Variants in PRKDC observed in about 807,000 individuals in gnomAD.
PRKDC encodes the protein DNA-dependent protein kinase catalytic subunit.
A neutral mutation model predicts 486.9 loss-of-function variants in PRKDC; 82 were observed. That is an observed-to-expected ratio of 0.17 (90% CI 0.14 to 0.20). The LOEUF is 0.20. PRKDC is among the 10% of genes least tolerant of loss of function. The pLI is 1.00. For missense variants in PRKDC, 4,504 were observed against 5,038.2 expected, an observed-to-expected ratio of 0.89 and a Z score of 3.21; for synonymous variants, 1,895 against 1,837.0, an observed-to-expected ratio of 1.03 and a Z score of -0.81.
At chr8:47,934,182 T>A (rs891212345) in intron 14 of PRKDC, 92 bp from the exon 15 acceptor site, 51 of 1,402,854 alleles carry the variant, frequency 3.6e-5, no homozygotes, top group Middle Eastern at 3.7e-4. Flanking sequence ...ATTTTCTAAA[T>A]TAAACTGCCA....
intron 55 of PRKDC, among the ~76,000 whole-genome samples, 158 bp from the exon 56 acceptor site, chr8:47,839,404 G>A (rs1175363434): frequency 6.6e-6 from 1 of 152,176 alleles, no homozygotes; most frequent in Non-Finnish European, 1.5e-5. Flanking sequence ...ATGGGTGTGT[G>A]CACAAGCCTT....
At chr8:47,876,332 G>A (rs558563624) in intron 40 of PRKDC, among the ~76,000 whole-genome samples, 1 of 152,076 alleles carries the variant, frequency 6.6e-6, no homozygotes, top group Non-Finnish European at 1.5e-5. Flanking sequence ...AGTTTACTAT[G>A]AGGAGTAGCC....
At chr8:47,857,746 G>C (rs1474681746) in intron 48 of PRKDC, among the ~76,000 whole-genome samples, 1 of 152,198 alleles carries the variant, frequency 6.6e-6, no homozygotes, top group Non-Finnish European at 1.5e-5. Flanking sequence ...CCCGAGGAAA[G>C]AAGGTGCTGC....
chr8:47,896,677 C>T (rs2089589198), intron 30 of PRKDC, among the ~76,000 whole-genome samples: 1 of 151,052 alleles, frequency 6.6e-6, no homozygotes, highest in Admixed American at 6.6e-5. Context: ...TCCACCCCAA[C>T]TTTTGCCAAG....
At position 47,879,677 on chromosome 8, in the gene PRKDC, A is replaced by G. The variant is rs370280013; in HGVS notation, c.5068-19T>C. ...CTTGGCCCTGTGGAGCAAGACAGAC[A>G]TAAGAAACTGCACGAATTATGGCTT... On this transcript the variant is annotated intron_variant, in intron 38 of 85. Coordinates refer to ENST00000314191, the MANE Select transcript of PRKDC (RefSeq NM_006904.7). 15 of 1,518,578 alleles carry G rather than the reference A, an allele frequency of 9.9e-6. No homozygotes were observed. The highest frequency in any genetic ancestry group is 4.2e-5 in the African/African-American group (3 of 70,690). The allele number at this position is 1,518,578 out of a possible 1,614,324, so 94.1% of individuals were successfully genotyped here. A position where few individuals can be genotyped will look rare whatever the true frequency, so the allele number is the denominator to read the frequency against.
intron 30 of PRKDC, among the ~76,000 whole-genome samples, chr8:47,895,668 A>G (rs889541101): frequency 2.0e-5 from 3 of 152,180 alleles, no homozygotes; most frequent in Admixed American, 2.0e-4. Flanking sequence ...CCACTCTTCA[A>G]TGACTAATTT....
chr8:47,950,996 A>T (rs1234716896), intron 7 of PRKDC, among the ~76,000 whole-genome samples: 5 of 152,214 alleles, frequency 3.3e-5, no homozygotes, highest in Non-Finnish European at 5.9e-5. Flanking sequence ...TAAAAAAAAT[A>T]AAAAAACTGA....
chr8:47,921,806 CAG>C (rs1376979934), intron 21 of PRKDC, among the ~76,000 whole-genome samples: 10 of 152,176 alleles, frequency 6.6e-5, no homozygotes, highest in African/African-American at 1.7e-4. Flanking sequence ...CTTTTTGAGA[CAG>C]AGTCTTGCTC....
chr8:47,855,295 C>T lies in PRKDC; in HGVS notation c.6688G>A (p.Val2230Met). 1.2e-6 allele frequency: 2 copies of T among 1,602,472 alleles called. No homozygotes were observed. Among genetic ancestry groups the T allele is most frequent in the Non-Finnish European group, 1.7e-6 (2 of 1,173,718 alleles). Residue 2230 changes from valine (V) to methionine (M), a missense_variant, in exon 50 of 86, where the codon GTG becomes ATG. Physicochemically the swap from Val to Met is conservative, Grantham distance 21. This residue lies in a region of PRKDC where 1,592 missense variants were observed against 1,724.6 expected (regional missense o/e 0.92). Coordinates refer to ENST00000314191, the MANE Select transcript of PRKDC (RefSeq NM_006904.7). ...ATAATTTCAAGGTTGTGTCTAAACA[C>T]AGCTCTTTTTGGATGAAAGACATGT... Reference protein sequence around the residue: ...MKHVFHPKRAVFRHNLEIIKT... With the variant: ...MKHVFHPKRAMFRHNLEIIKT...
At position 47,830,640 on chromosome 8, in the gene PRKDC, T is replaced by TAACGGG; in HGVS notation, c.8361_8362insCCCGTT (p.His2787_Ser2788insProVal). ...GCCTGTAACGGGGTGATGAGGCTGC[T>TAACGGG]GTGCTTGATCTGAATGTCAGGAAGG... On this transcript the variant is annotated inframe_insertion, in exon 61 of 86. Transcript: ENST00000314191. 1 of 1,614,008 alleles carries TAACGGG rather than the reference T, an allele frequency of 6.2e-7. No individual in the cohort carries two copies. The highest frequency in any genetic ancestry group is 8.5e-7 in the Non-Finnish European group (1 of 1,179,886).
chr8:47,808,900 G>T (rs1418874800), intron 68 of PRKDC, among the ~76,000 whole-genome samples: 1 of 151,894 alleles, frequency 6.6e-6, no homozygotes, highest in African/African-American at 2.4e-5. Context: ...AGCTGGGCAT[G>T]GTGGCGTGAG....
chr8:47,862,634 C>A, intron 42 of PRKDC, 93 bp from the exon 43 acceptor site: 1 of 1,270,598 alleles, frequency 7.9e-7, no homozygotes, highest in South Asian at 1.6e-5. Flanking sequence ...TAATGCCATT[C>A]AGCCTTTCTC....
chr8:47,943,596 T>C (rs1003994415), intron 9 of PRKDC, among the ~76,000 whole-genome samples: 1 of 152,234 alleles, frequency 6.6e-6, no homozygotes, highest in Non-Finnish European at 1.5e-5. Context: ...TCAGGATTCA[T>C]TGAGGCAAAG....
chr8:47,881,528 A>T lies in PRKDC; in HGVS notation c.4963-8T>A. The T allele has an allele frequency of 7.2e-7, 1 of 1,392,888 alleles. No homozygotes were observed. The highest frequency in any genetic ancestry group is 9.9e-7 in the Non-Finnish European group (1 of 1,012,608). The allele number at this position is 1,392,888 out of a possible 1,614,324, so 86.3% of individuals were successfully genotyped here. ...AGATACAGATGAATCAATCTAAAGG[A>T]AGGAAAAGAAAAACAGGACACATTT... On this transcript the variant is annotated splice_polypyrimidine_tract_variant and splice_region_variant and intron_variant, in intron 37 of 85. Transcript: ENST00000314191.
rs200385490 is a variant in PRKDC at position 47,862,357 on chromosome 8, C to T, written c.5919+16G>A. Reference sequence around the variant, plus strand: ...CTCCTACAATAACAATAGTGCACACCGTAGGAGTGGCCTACCTTTTCTGGT... The same window carrying T: ...CTCCTACAATAACAATAGTGCACACTGTAGGAGTGGCCTACCTTTTCTGGT... On this transcript the variant is annotated intron_variant, in intron 43 of 85. Transcript: ENST00000314191. The T allele has an allele frequency of 7.7e-4, 1,240 of 1,607,960 alleles. 4 individuals carry two copies. Among genetic ancestry groups the T allele is most frequent in the South Asian group, 4.2e-3 (379 of 90,824 alleles).
intron 36 of PRKDC, among the ~76,000 whole-genome samples, chr8:47,885,050 C>T (rs2089297437): frequency 6.6e-6 from 1 of 152,194 alleles, no homozygotes; most frequent in Non-Finnish European, 1.5e-5. Context: ...AATGTCAATA[C>T]CCTGCATAGC....
chr8:47,831,987 C>A, intron 59 of PRKDC, 61 bp from the exon 60 acceptor site: 2 of 1,454,592 alleles, frequency 1.4e-6, no homozygotes, highest in South Asian at 2.4e-5. Flanking sequence ...TCTGCTGGTT[C>A]ATTTTCACCT....
At chr8:47,949,727 A>T (rs1442686126) in intron 7 of PRKDC, among the ~76,000 whole-genome samples, 1 of 152,190 alleles carries the variant, frequency 6.6e-6, no homozygotes, top group Non-Finnish European at 1.5e-5. Context: ...ACAGTTGAAA[A>T]GAAGCTGAGG....
chr8:47,860,844 A>G, intron 45 of PRKDC, 55 bp downstream of exon 45: 1 of 1,410,564 alleles, frequency 7.1e-7, no homozygotes, highest in Non-Finnish European at 9.8e-7. Context: ...GAACAAAACA[A>G]AACAAAATAA....
Sources: gnomAD v4.1 joint callset for allele counts (sites outside exome capture counted in the v4.1 genomes callset) on GRCh38, gnomAD v4.1.1 for gene constraint, gnomAD v4.1.1 regional missense constraint, MANE v1.5 for transcripts, NCBI Gene and HGNC (gene_info 2026-07-23, HGNC 2026-07-21) for gene names.